Variants in NUP210L observed in about 807,000 individuals in gnomAD.
NUP210L encodes the protein nucleoporin 210 like, also known as nuclear pore membrane glycoprotein 210-like.
A neutral mutation model predicts 208.5 loss-of-function variants in NUP210L; 74 were observed. That is an observed-to-expected ratio of 0.35 (90% CI 0.29 to 0.43). NUP210L has a LOEUF of 0.43. Ranked by LOEUF, NUP210L falls within the 20% of genes least tolerant of loss-of-function variation. The pLI, the probability that NUP210L is intolerant of heterozygous loss-of-function variation, is 1.00. For missense variants in NUP210L, 1,843 were observed against 2,289.4 expected, an observed-to-expected ratio of 0.81 and a Z score of 3.98; for synonymous variants, 780 against 816.9, an observed-to-expected ratio of 0.95 and a Z score of 0.77.
intron 17 of NUP210L, among the ~76,000 whole-genome samples, chr1:154,067,926 C>G (rs1034604832): frequency 1.3e-5 from 2 of 152,188 alleles, no homozygotes; most frequent in African/African-American, 4.8e-5. Context: ...CTACAAACCA[C>G]TGCTTAACGA....
intron 4 of NUP210L, 83 bp downstream of exon 4, chr1:154,141,348 C>T: frequency 2.3e-6 from 2 of 851,736 alleles, no homozygotes; most frequent in African/African-American, 1.7e-5. Flanking sequence ...AAAGTCCACA[C>T]AAATGGTTGC....
exon 20 of NUP210L, chr1:154,060,576 G>A: frequency 6.2e-7 from 1 of 1,613,504 alleles, no homozygotes; most frequent in African/African-American, 1.3e-5. Context: ...AAGTGATGGT[G>A]ACAACACCCT....
At chr1:154,155,096 C>T (rs1480693500) in exon 1 of NUP210L, 6 of 1,343,092 alleles carry the variant, frequency 4.5e-6, no homozygotes, top group Non-Finnish European at 6.3e-6. Flanking sequence ...CTCACAGCTC[C>T]ATCAGCCAAT....
chr1:154,011,685 T>TG (rs1217699685), intron 34 of NUP210L, among the ~76,000 whole-genome samples: 3 of 131,330 alleles, frequency 2.3e-5, no homozygotes, highest in African/African-American at 8.6e-5. Flanking sequence ...TTAAGTTTTT[T>TG]TTTTTTTTTT....
chr1:154,025,645 C>A (rs1485405044), exon 30 of NUP210L: 2 of 1,613,824 alleles, frequency 1.2e-6, no homozygotes, highest in African/African-American at 1.3e-5. Flanking sequence ...GAGCCCTTCA[C>A]CATCCTCCTC....
In NUP210L at chr1:154,058,551, C is replaced by A; in HGVS notation, c.2979+14G>T. On this transcript the variant is annotated intron_variant, in intron 21 of 39. Transcript: ENST00000368559. ...GTCTTGCTTAATTTCTGAGATAAAA[C>A]AAACATGTCTCACCTTATCAATCAG... 1 of 1,605,692 alleles carries A rather than the reference C, an allele frequency of 6.2e-7. No individual in the cohort carries two copies. The highest frequency in any genetic ancestry group is 8.5e-7 in the Non-Finnish European group (1 of 1,177,546).
At chr1:154,136,780 C>T (rs1375785456) in intron 6 of NUP210L, among the ~76,000 whole-genome samples, 8 of 151,038 alleles carry the variant, frequency 5.3e-5, no homozygotes, top group African/African-American at 1.9e-4. Flanking sequence ...ATTAGCTGGG[C>T]GTAGTGGCGG....
At chr1:154,068,718 C>T (rs895720903) in intron 17 of NUP210L, among the ~76,000 whole-genome samples, 2 of 151,738 alleles carry the variant, frequency 1.3e-5, no homozygotes, top group Non-Finnish European at 2.9e-5. Flanking sequence ...AGTAAACTAT[C>T]GCAAGAACAA....
Position 154,129,262 on chromosome 1 carries a change from T to C in NUP210L, c.1078+15A>G. Reference sequence around the variant, plus strand: ...TTAAGCTATCCACCTTTCTGAAAAGTATGATCTAAAATACCTAAAAATCCA... The same window carrying C: ...TTAAGCTATCCACCTTTCTGAAAAGCATGATCTAAAATACCTAAAAATCCA... On this transcript the variant is annotated intron_variant, in intron 8 of 39. Transcript: ENST00000368559. The C allele has an allele frequency of 2.0e-6, 3 of 1,536,896 alleles. No homozygotes were observed. The highest frequency in any genetic ancestry group is 1.2e-5 in the South Asian group (1 of 86,524).
At chr1:154,149,790 A>G (rs192692522) in intron 2 of NUP210L, among the ~76,000 whole-genome samples, 94 of 152,380 alleles carry the variant, frequency 6.2e-4, no homozygotes, top group African/African-American at 2.0e-3. Flanking sequence ...GAGAAATATC[A>G]AACATTTAAC....
chr1:154,153,601 C>A (rs937411305), intron 1 of NUP210L, among the ~76,000 whole-genome samples: 2 of 150,836 alleles, frequency 1.3e-5, no homozygotes, highest in South Asian at 4.2e-4. Context: ...TGAGCCACTG[C>A]GCCCGGCCGA....
intron 25 of NUP210L, among the ~76,000 whole-genome samples, chr1:154,049,083 G>A (rs1653346502): frequency 6.6e-6 from 1 of 152,214 alleles, no homozygotes; most frequent in African/African-American, 2.4e-5. Flanking sequence ...AGATACAGGA[G>A]TGGACATTTC....
At chr1:154,098,639 G>A (rs1054904799) in intron 14 of NUP210L, among the ~76,000 whole-genome samples, 8 of 152,190 alleles carry the variant, frequency 5.3e-5, no homozygotes, top group Non-Finnish European at 1.0e-4. Context: ...GCCCAGCTCC[G>A]GCTGAGCCTG....
chr1:153,994,206 CTA>C (rs1553217013), intron 38 of NUP210L, among the ~76,000 whole-genome samples: 5 of 152,080 alleles, frequency 3.3e-5, no homozygotes, highest in Non-Finnish European at 7.4e-5. Context: ...TTATCCCTAA[CTA>C]TGAATTTCAG....
intron 12 of NUP210L, among the ~76,000 whole-genome samples, chr1:154,116,885 C>CA (rs1224597104): frequency 1.3e-5 from 2 of 151,916 alleles, no homozygotes; most frequent in South Asian, 2.1e-4. Flanking sequence ...ATAACTATAA[C>CA]AAAAAAGTTA....
intron 15 of NUP210L, among the ~76,000 whole-genome samples, chr1:154,092,071 A>ATTTTT (rs764216863): frequency 8.0e-6 from 1 of 124,616 alleles, no homozygotes. Context: ...ATGGGGAGCC[A>ATTTTT]TTTTTTTTTT....
intron 16 of NUP210L, among the ~76,000 whole-genome samples, chr1:154,083,364 A>ACT (rs1655452521): frequency 6.6e-6 from 1 of 152,186 alleles, no homozygotes; most frequent in African/African-American, 2.4e-5. Flanking sequence ...GCTAGACAGT[A>ACT]AAGTTCTCCA....
Position 154,054,413 on chromosome 1 carries a change from A to T in NUP210L, c.3304-6T>A, listed in dbSNP as rs1276509417. On this transcript the variant is annotated splice_region_variant and splice_polypyrimidine_tract_variant and intron_variant, in intron 24 of 39. Coordinates refer to ENST00000368559, the Ensembl canonical transcript of NUP210L. ...GGGCCACCTTCAGACATTACCTGGAATTTAAATATACCATTGAATGCCTAG... is the reference window on the plus strand; with the variant it reads ...GGGCCACCTTCAGACATTACCTGGATTTTAAATATACCATTGAATGCCTAG... 1 of 1,613,696 alleles carries T rather than the reference A, an allele frequency of 6.2e-7. No homozygotes were observed. The highest frequency in any genetic ancestry group is 8.5e-7 in the Non-Finnish European group (1 of 1,179,632).
intron 16 of NUP210L, among the ~76,000 whole-genome samples, chr1:154,088,954 T>C (rs940424968): frequency 1.3e-5 from 2 of 152,134 alleles, no homozygotes; most frequent in African/African-American, 4.8e-5. Context: ...TTCTTCATGA[T>C]TGGTTTGGAG....
Sources: allele counts gnomAD v4.1 joint callset (sites outside exome capture counted in the v4.1 genomes callset), GRCh38; gene constraint gnomAD v4.1.1; transcripts MANE v1.5; gene names NCBI Gene and HGNC (gene_info 2026-07-23, HGNC 2026-07-21).